The following BCL11A variants were observed in gnomAD, a reference collection of about 807,000 sequenced individuals.
BCL11A encodes B cell CLL/lymphoma 11A.
Under a neutral mutation model 55.9 loss-of-function variants are expected in BCL11A, and 2 were observed. That is an observed-to-expected ratio of 0.04 (90% CI 0.01 to 0.11). The LOEUF (loss-of-function observed/expected upper bound fraction) is 0.11, where lower values mean the gene tolerates loss of function less well. BCL11A is among the 10% of genes least tolerant of loss of function. The probability of loss-of-function intolerance (pLI) is 1.00; values close to 1 mark genes in which losing one functional copy is unlikely to be tolerated. For missense variants in BCL11A, 817 were observed against 1,137.1 expected (o/e 0.72, Z 4.05); for synonymous variants, 465 against 473.4 (o/e 0.98, Z 0.23).
chr2:60,468,098 G>A (rs1372769207), intron 3 of BCL11A, among the ~76,000 whole-genome samples: 5 of 148,968 alleles, frequency 3.4e-5, no homozygotes, highest in African/African-American at 7.4e-5. Flanking sequence ...TGTGGTGGTG[G>A]TGGTGATGGT....
chr2:60,462,704 C>T (rs1253103056), intron 3 of BCL11A, among the ~76,000 whole-genome samples: 4 of 152,218 alleles, frequency 2.6e-5, no homozygotes, highest in African/African-American at 7.2e-5. Flanking sequence ...GGATGAAGGT[C>T]CCTACATTCT....
intron 2 of BCL11A, among the ~76,000 whole-genome samples, chr2:60,506,473 C>A (rs1679600832): frequency 6.6e-6 from 1 of 152,268 alleles, no homozygotes; most frequent in Non-Finnish European, 1.5e-5. Context: ...TCCTCAGACC[C>A]TCCAAGGTGA....
At chr2:60,457,079 G>C (rs1450878240), downstream of BCL11A, 1 of 198,284 alleles carries the variant, frequency 5.0e-6, no homozygotes, top group Non-Finnish European at 9.1e-6. Context: ...ACACGCATCA[G>C]AATGCCCATA....
intron 1 of BCL11A, among the ~76,000 whole-genome samples, chr2:60,552,200 G>A (rs1217440881): frequency 6.6e-6 from 1 of 151,630 alleles, no homozygotes; most frequent in Non-Finnish European, 1.5e-5. Flanking sequence ...AGAGCGTTTG[G>A]CTTCGGTTTG....
chr2:60,457,423 G>T lies in BCL11A; in HGVS notation c.*2981C>A, dbSNP rs1675990857. 3.9e-6 allele frequency: 4 copies of T among 1,031,142 alleles called. No homozygotes were observed. Among genetic ancestry groups the T allele is most frequent in the Non-Finnish European group, 4.7e-6 (4 of 855,624 alleles). 63.9% of individuals were successfully genotyped at this position (1,031,142 alleles called of 1,614,324 possible). On this transcript the variant is annotated 3_prime_UTR_variant, in exon 4 of 4. Coordinates refer to ENST00000642384, the MANE Select transcript of BCL11A (RefSeq NM_022893.4). ...AGATCAAATTAAGTGCCTCTGTTTT[G>T]AACAGGGCACATAAGCAATAATAAA...
At chr2:60,518,812 G>A (rs1041339460) in intron 2 of BCL11A, among the ~76,000 whole-genome samples, 4 of 152,172 alleles carry the variant, frequency 2.6e-5, no homozygotes, top group African/African-American at 4.8e-5. Flanking sequence ...TCAAGTTCAG[G>A]TCAAGCTGGA....
In BCL11A at chr2:60,461,669, T is replaced by C. The variant is rs1299372269; in HGVS notation, c.1243A>G (p.Thr415Ala). 1.9e-6 allele frequency: 3 copies of C among 1,613,850 alleles called. No individual in the cohort carries two copies. The highest frequency in any genetic ancestry group is 1.3e-5 in the African/African-American group (1 of 74,914). ...TGGCGCTTCAGCTTGCTGGCCTGGG[T>C]GCACGCGTGGTCGCACAGGTTGCAC... ...YKCNLCDHAC[T>A]QASKLKRHMK... The change falls in exon 4 of 4, where the codon ACC (threonine) becomes GCC (alanine). Residue 415 changes from threonine to alanine, a missense_variant. Transcript: ENST00000642384.
chr2:60,513,908 GC>G (rs1317443990), intron 2 of BCL11A, among the ~76,000 whole-genome samples: 1 of 152,180 alleles, frequency 6.6e-6, no homozygotes, highest in Non-Finnish European at 1.5e-5. Flanking sequence ...GCTGTTCCTG[GC>G]TTGTGGTGAG....
At chr2:60,521,228 T>C (rs769565584) in intron 2 of BCL11A, among the ~76,000 whole-genome samples, 1 of 152,232 alleles carries the variant, frequency 6.6e-6, no homozygotes, top group Non-Finnish European at 1.5e-5. Flanking sequence ...TTTAATCTGC[T>C]GTAAACCCAA....
chr2:60,484,727 A>T (rs970982444), intron 2 of BCL11A, among the ~76,000 whole-genome samples: 2 of 151,840 alleles, frequency 1.3e-5, no homozygotes, highest in African/African-American at 4.8e-5. Flanking sequence ...AAGGTTAACC[A>T]CTCGAGAAAA....
chr2:60,454,872 A>G (rs995464177), downstream of BCL11A, among the ~76,000 whole-genome samples: 3 of 152,246 alleles, frequency 2.0e-5, no homozygotes, highest in Non-Finnish European at 4.4e-5. Flanking sequence ...TACTTATTGC[A>G]TATACAAAAA....
rs952573979 is a variant in BCL11A, at chr2:60,498,753, C to T, written c.386-29920G>A. Among the ~76,000 whole-genome samples, 7 of 152,246 alleles carry T rather than the reference C, an allele frequency of 4.6e-5. 1 individual carries two copies. Among genetic ancestry groups the T allele is most frequent in the Non-Finnish European group, 2.9e-5 (2 of 68,014 alleles). ...GTGAGGTCATCTATAGGTCCAAGTT[C>T]GTACAGACCCAGCCAGACTGCCAGT... On this transcript the variant is annotated intron_variant, in intron 2 of 3. Coordinates refer to ENST00000642384, the MANE Select transcript of BCL11A (RefSeq NM_022893.4).
chr2:60,467,870 G>C (rs1436904151), intron 3 of BCL11A, among the ~76,000 whole-genome samples: 1 of 116,184 alleles, frequency 8.6e-6, no homozygotes, highest in African/African-American at 3.3e-5. Context: ...GATGGTACTG[G>C]TGGTGATGGT....
intron 2 of BCL11A, among the ~76,000 whole-genome samples, chr2:60,499,251 C>A (rs1314735241): frequency 6.6e-6 from 1 of 152,176 alleles, no homozygotes; most frequent in Non-Finnish European, 1.5e-5. Context: ...GTGGATAGCG[C>A]CCTTCCGTCA....
chr2:60,468,913 C>T (rs1558622033), intron 2 of BCL11A, 80 bp from the exon 3 acceptor site: 2 of 856,534 alleles, frequency 2.3e-6, no homozygotes, highest in South Asian at 3.0e-5. Context: ...ATTTCAATTC[C>T]ATTAAAATAG....
chr2:60,534,724 A>G (rs1326539856), intron 2 of BCL11A: 1 of 152,262 alleles, frequency 6.6e-6, no homozygotes, highest in Admixed American at 6.5e-5. Flanking sequence ...CTTGGCAAGA[A>G]GATGCATCAT....
At chr2:60,452,839 T>C (rs904776945), downstream of BCL11A, 3 of 565,126 alleles carry the variant, frequency 5.3e-6, no homozygotes, top group African/African-American at 5.7e-5. Context: ...TCCCCAAGTA[T>C]CTCTGACCTC....
Position 60,550,874 on chromosome 2 carries a change from G to C in BCL11A, c.55+2342C>G, listed in dbSNP as rs960329303. On this transcript the variant is annotated intron_variant, in intron 1 of 3. Transcript: ENST00000642384. ...CCTTCCTTCCCGCCGGTACCTGGCC[G>C]GGCTGTAACTTCACACCGCCGCGCG... The C allele has an allele frequency of 1.2e-4, 46 of 398,466 alleles. 1 individual carries two copies. In the South Asian group the frequency reaches 1.7e-3, roughly 14 times the overall value. 24.7% of individuals were successfully genotyped at this position (398,466 alleles called of 1,614,324 possible). A position where few individuals can be genotyped will look rare whatever the true frequency, so the allele number is the denominator to read the frequency against.
chr2:60,515,110 C>T (rs72962596), intron 2 of BCL11A, among the ~76,000 whole-genome samples: 3,981 of 152,236 alleles, frequency 0.026, 164 homozygotes, highest in African/African-American at 0.089. Context: ...TCCTCCCCCA[C>T]GTGCTCCTTC....
Sources: gnomAD v4.1 joint callset for allele counts (sites outside exome capture counted in the v4.1 genomes callset) on GRCh38, gnomAD v4.1.1 for gene constraint, MANE v1.5 for transcripts, NCBI Gene and HGNC (gene_info 2026-07-23, HGNC 2026-07-21) for gene names.